The following ACTA2 variants were observed in gnomAD, a reference collection of about 807,000 sequenced individuals.
The protein encoded by ACTA2 is actin alpha 2, smooth muscle, also known as actin, aortic smooth muscle.
Under a neutral mutation model 39.5 loss-of-function variants are expected in ACTA2, and 12 were observed. The ratio of observed to expected loss-of-function variants is 0.30; its 90% CI spans 0.19 to 0.49. The LOEUF is 0.49. ACTA2 is among the 20% of genes least tolerant of loss of function. The pLI is 0.99. For missense variants in ACTA2, 236 were observed against 498.8 expected (o/e 0.47, Z 5.02); for synonymous variants, 158 against 180.6 (o/e 0.88, Z 1.00).
intron 8 of ACTA2, among the ~76,000 whole-genome samples, chr10:88,937,583 G>A (rs1026808851): frequency 5.9e-5 from 9 of 152,170 alleles, no homozygotes; most frequent in African/African-American, 2.2e-4. Flanking sequence ...GCTAGACAGA[G>A]GAATGAGGAT....
Position 88,948,205 on chromosome 10 carries a change from T to C in ACTA2, c.129+597A>G, listed in dbSNP as rs144067378. ...TGAATATATCCCAAGCAGAGAGGCA[T>C]AAACATCAATCAGATAGCCTCAATG... On this transcript the variant is annotated intron_variant, in intron 2 of 8. Transcript: ENST00000224784. 48 of 161,040 alleles carry C rather than the reference T, an allele frequency of 3.0e-4. 1 individual carries two copies. The East Asian group carries it at 6.6e-3, about 22-fold the overall frequency. The allele number at this position is 161,040 out of a possible 1,614,324, so 10.0% of individuals were successfully genotyped here. A position where few individuals can be genotyped will look rare whatever the true frequency, so the allele number is the denominator to read the frequency against.
At chr10:88,951,079 C>A (rs971822516) in intron 1 of ACTA2, among the ~76,000 whole-genome samples, 1 of 152,134 alleles carries the variant, frequency 6.6e-6, no homozygotes, top group East Asian at 1.9e-4. Flanking sequence ...TTTCCTTTCC[C>A]ACCCTTCTTT....
chr10:88,935,435 A>G, intron 8 of ACTA2, 69 bp from the exon 9 acceptor site: 1 of 1,569,656 alleles, frequency 6.4e-7, no homozygotes, highest in Non-Finnish European at 8.8e-7. Flanking sequence ...GCGGTAGGAC[A>G]GAGCCTGGAT....
At chr10:88,971,012 A>C (rs1846433231) in intron 1 of ACTA2, among the ~76,000 whole-genome samples, 1 of 152,194 alleles carries the variant, frequency 6.6e-6, no homozygotes, top group African/African-American at 2.4e-5. Context: ...TAAATAAAAT[A>C]ATACTAAGAT....
chr10:88,937,785 T>C (rs1845770097), intron 8 of ACTA2, among the ~76,000 whole-genome samples: 1 of 152,156 alleles, frequency 6.6e-6, no homozygotes. Flanking sequence ...TAAAGAGAGA[T>C]GAGCATGTGG....
chr10:88,987,613 G>A (rs904939225), intron 1 of ACTA2, among the ~76,000 whole-genome samples: 1 of 152,172 alleles, frequency 6.6e-6, no homozygotes, highest in Non-Finnish European at 1.5e-5. Flanking sequence ...AAGGGTTTGT[G>A]TCCCAGTGTT....
intron 1 of ACTA2, among the ~76,000 whole-genome samples, chr10:88,968,569 G>T (rs1846364809): frequency 6.6e-6 from 1 of 152,152 alleles, no homozygotes; most frequent in South Asian, 2.1e-4. Context: ...TGGTAGAGAG[G>T]AAGAGAAAAT....
intron 1 of ACTA2, among the ~76,000 whole-genome samples, chr10:88,964,136 AT>A (rs1171699220): frequency 6.6e-6 from 1 of 152,064 alleles, no homozygotes; most frequent in Non-Finnish European, 1.5e-5. Flanking sequence ...AGTTTAATAT[AT>A]TTTAGTTTAG....
intron 1 of ACTA2, among the ~76,000 whole-genome samples, chr10:88,980,219 T>C (rs1188657112): frequency 6.6e-6 from 1 of 151,944 alleles, no homozygotes; most frequent in Non-Finnish European, 1.5e-5. Context: ...TTAAACATAA[T>C]GCACTTTAAA....
chr10:88,946,273 A>AT (rs1396534709), intron 3 of ACTA2, among the ~76,000 whole-genome samples: 1 of 96,230 alleles, frequency 1.0e-5, no homozygotes, highest in Non-Finnish European at 2.0e-5. Flanking sequence ...TGTTAATTAA[A>AT]CCTTTTTTTT....
intron 2 of ACTA2, among the ~76,000 whole-genome samples, chr10:88,948,006 T>A (rs996122952): frequency 1.3e-5 from 2 of 152,084 alleles, no homozygotes; most frequent in Non-Finnish European, 2.9e-5. Flanking sequence ...TCTTAAAAAA[T>A]TATTGTTACT....
At chr10:88,963,071 A>C (rs1204255864) in intron 1 of ACTA2, among the ~76,000 whole-genome samples, 2 of 150,420 alleles carry the variant, frequency 1.3e-5, no homozygotes, top group African/African-American at 4.9e-5. Context: ...CTGTCACGAG[A>C]ACAGCACAGA....
rs778847287 is a variant in ACTA2, at chr10:88,943,916, T to G, written c.259-9A>C. On this transcript the variant is annotated splice_polypyrimidine_tract_variant and intron_variant, in intron 3 of 8. Coordinates refer to ENST00000224784, the MANE Select transcript of ACTA2 (RefSeq NM_001613.4). ...AAAGAGTGGTGCCAGATCTAGTGAG[T>G]TGGGGGACAGAGGAGAAACACAATG... 6.2e-7 allele frequency: 1 copy of G among 1,611,920 alleles called. No homozygotes were observed. The highest frequency in any genetic ancestry group is 1.1e-5 in the South Asian group (1 of 91,016).
In ACTA2 at chr10:88,943,873, A is replaced by G; in HGVS notation, c.293T>C (p.Val98Ala). Reference sequence around the variant, plus strand: ...CAGGGTGGGATGCTCTTCAGGGGCAACACGAAGCTCATTGTAGAAAGAGTG... The same window carrying G: ...CAGGGTGGGATGCTCTTCAGGGGCAGCACGAAGCTCATTGTAGAAAGAGTG... Reference protein sequence around the residue: ...WHHSFYNELRVAPEEHPTLLT... With the variant: ...WHHSFYNELRAAPEEHPTLLT... The change falls in exon 4 of 9, where the codon GTT becomes GCT. Residue 98 changes from valine (V) to alanine (A), a missense_variant. Transcript: ENST00000224784. 6.2e-7 allele frequency: 1 copy of G among 1,614,038 alleles called. No homozygotes were observed.
chr10:88,963,600 A>G (rs1846272368), intron 1 of ACTA2, among the ~76,000 whole-genome samples: 1 of 152,164 alleles, frequency 6.6e-6, no homozygotes, highest in Non-Finnish European at 1.5e-5. Flanking sequence ...TATTTAAACC[A>G]ATAGCAAATA....
chr10:88,935,241 G>A lies in ACTA2; in HGVS notation c.1116C>T (p.Val372=). 2 of 1,613,566 alleles carry A rather than the reference G, an allele frequency of 1.2e-6. No homozygotes were observed. Among genetic ancestry groups the A allele is most frequent in the Admixed American group, 1.7e-5 (1 of 60,012 alleles). The change falls in exon 9 of 9, where the codon GTC becomes GTT. Residue 372 remains valine (V), a synonymous_variant. Transcript: ENST00000224784. Reference sequence around the variant, plus strand: ...AAGTGTTTTAGAAGCATTTGCGGTGGACAATGGAAGGCCCGGCTTCATCGT... The same window carrying A: ...AAGTGTTTTAGAAGCATTTGCGGTGAACAATGGAAGGCCCGGCTTCATCGT... ...QEYDEAGPSI[V]HRKCF
chr10:88,946,216 C>T (rs1301639293), intron 3 of ACTA2, among the ~76,000 whole-genome samples: 1 of 151,690 alleles, frequency 6.6e-6, no homozygotes, highest in African/African-American at 2.4e-5. Flanking sequence ...ATGCTACCAC[C>T]TCAGCCTCCT....
chr10:88,941,260 C>G lies in ACTA2; in HGVS notation c.585G>C (p.Leu195=). The part of the protein sequence containing the change: ...RDLTDYLMKI[L]TERGYSFVTT... ...TAACGAAGGAATAGCCACGCTCAGT[C>G]AGGATCTTCATGAGGTAGTCAGTGA... The change falls in exon 6 of 9, where the codon CTG becomes CTC. Residue 195 remains leucine (L), a synonymous_variant. Transcript: ENST00000224784. The G allele has an allele frequency of 6.2e-7, 1 of 1,614,016 alleles. No homozygotes were observed. The highest frequency in any genetic ancestry group is 8.5e-7 in the Non-Finnish European group (1 of 1,179,948).
intron 7 of ACTA2, 93 bp downstream of exon 7, chr10:88,939,414 G>A (rs1845806494): frequency 6.5e-7 from 1 of 1,534,560 alleles, no homozygotes; most frequent in South Asian, 1.1e-5. Context: ...TGGTCTTGGG[G>A]CAACCGTCAC....
Sources: allele counts gnomAD v4.1 joint callset (sites outside exome capture counted in the v4.1 genomes callset), GRCh38; gene constraint gnomAD v4.1.1; transcripts MANE v1.5; gene names NCBI Gene and HGNC (gene_info 2026-07-23, HGNC 2026-07-21).